Variants in NCOR2 observed in about 807,000 individuals in gnomAD.
NCOR2 encodes the protein CTG repeat protein 26.
A neutral mutation model predicts 262.9 loss-of-function variants in NCOR2; 81 were observed. The ratio of observed to expected loss-of-function variants is 0.31; its 90% CI spans 0.26 to 0.37. The LOEUF (loss-of-function observed/expected upper bound fraction) is 0.37, where lower values mean the gene tolerates loss of function less well. Ranked by LOEUF, NCOR2 falls within the 10% of genes least tolerant of loss-of-function variation. NCOR2 has a pLI of 1.00. For missense variants in NCOR2, 3,385 were observed against 3,621.4 expected, an observed-to-expected ratio of 0.93 and a Z score of 1.68; for synonymous variants, 1,659 against 1,559.3, an observed-to-expected ratio of 1.06 and a Z score of -1.51.
In NCOR2 at chr12:124,525,959, G is replaced by A. The variant is rs138873062; in HGVS notation, c.-118+9606C>T. ...ATGTATGGGGTGCACGTTAGAAATT[G>A]TAGTTAATGTTAATAATAATAATAC... On this transcript the variant is annotated intron_variant, in intron 1 of 46. Coordinates refer to the NCOR2 transcript ENST00000404621. Among the ~76,000 whole-genome samples the A allele has an allele frequency of 3.0e-4, 46 of 152,326 alleles. 1 individual carries two copies. The highest frequency in any genetic ancestry group is 1.1e-3 in the African/African-American group (44 of 41,572).
chr12:124,458,600 T>C (rs1443339956), intron 5 of NCOR2, among the ~76,000 whole-genome samples: 1 of 152,224 alleles, frequency 6.6e-6, no homozygotes, highest in East Asian at 1.9e-4. Flanking sequence ...GCGTCGGGCA[T>C]ACGGTGTGTT....
chr12:124,387,591 G>A (rs1045805391), intron 16 of NCOR2, among the ~76,000 whole-genome samples: 1 of 152,122 alleles, frequency 6.6e-6, no homozygotes, highest in East Asian at 1.9e-4. Flanking sequence ...CCACCTGTTC[G>A]CCTGCCGTGG....
rs986689550 is a variant in NCOR2, at chr12:124,531,531, A to AGG, written c.-118+4032_-118+4033dup. 3.1e-4 allele frequency among the ~76,000 whole-genome samples: 47 copies of AGG among 151,980 alleles called. No homozygotes were observed. The highest frequency in any genetic ancestry group is 1.1e-3 in the African/African-American group (44 of 41,420). On this transcript the variant is annotated intron_variant, in intron 1 of 46. Coordinates refer to the NCOR2 transcript ENST00000404621. The surrounding 1 kb of genome is among the most constrained non-coding windows in gnomAD (Gnocchi z 4.5). Reference sequence around the variant, plus strand: ...GGGTAGGGAGCAGGAAGGAAGGGGGAGGGGAGGAAGGGATTGCAGGGAGCC... The same window carrying AGG: ...GGGTAGGGAGCAGGAAGGAAGGGGGAGGGGGGAGGAAGGGATTGCAGGGAGCC...
At position 124,454,440 on chromosome 12, in the gene NCOR2, C is replaced by T. The variant is rs1343182648; in HGVS notation, c.762+2666G>A. On this transcript the variant is annotated intron_variant, in intron 6 of 46. Transcript: ENST00000405201. The surrounding 1 kb of genome is among the most constrained non-coding windows in gnomAD (Gnocchi z 5.6). Reference sequence around the variant, plus strand: ...CCAGAGAAGACTCACTGTGGGGTCCCTGGTTCCAAAGCTTCTGACACCAGC... The same window carrying T: ...CCAGAGAAGACTCACTGTGGGGTCCTTGGTTCCAAAGCTTCTGACACCAGC... Among the ~76,000 whole-genome samples the T allele has an allele frequency of 6.6e-6, 1 of 152,140 alleles. No individual in the cohort carries two copies. The highest frequency in any genetic ancestry group is 1.5e-5 in the Non-Finnish European group (1 of 68,028).
At chr12:124,340,925 C>T (rs562081195) in intron 34 of NCOR2, among the ~76,000 whole-genome samples, 174 bp from the exon 37 acceptor site, 1 of 152,182 alleles carries the variant, frequency 6.6e-6, no homozygotes, top group Non-Finnish European at 1.5e-5. Flanking sequence ...TTTCTGAATG[C>T]TCAGGTTCTC....
chr12:124,536,123 G>A (rs1479690456), upstream of NCOR2, among the ~76,000 whole-genome samples: 3 of 152,074 alleles, frequency 2.0e-5, no homozygotes, highest in East Asian at 1.9e-4. Flanking sequence ...ATATAGTCTC[G>A]CTCTGTCACT....
chr12:124,476,721 T>C (rs1234038601), intron 3 of NCOR2, among the ~76,000 whole-genome samples: 1 of 152,146 alleles, frequency 6.6e-6, no homozygotes, highest in Non-Finnish European at 1.5e-5. Context: ...TAAGTTCGGG[T>C]TTAGCTTTTA....
chr12:124,548,489 A>C lies in NCOR2; in HGVS notation c.-164-12878T>G. ...CCAGACGGCGACAGAGTGGGGGTCC[A>C]TCATGGTGCCTGGTCTGCCATTCTT... is the stretch of plus-strand genomic sequence containing the variant. On this transcript the variant is annotated intron_variant, in intron 1 of 32. Transcript: ENST00000458234. The surrounding 1 kb of genome is among the most constrained non-coding windows in gnomAD (Gnocchi z 5.1). Among the ~76,000 whole-genome samples, 1 of 151,952 alleles carries C rather than the reference A, an allele frequency of 6.6e-6. No homozygotes were observed. The highest frequency in any genetic ancestry group is 2.1e-4 in the South Asian group (1 of 4,782).
intron 41 of NCOR2, 122 bp downstream of exon 43, chr12:124,334,302 C>A (rs2035678133): frequency 4.6e-6 from 3 of 649,068 alleles, no homozygotes; most frequent in Non-Finnish European, 7.7e-6. Flanking sequence ...CCATTTCTTG[C>A]CTGTGCAATG....
intron 1 of NCOR2, among the ~76,000 whole-genome samples, chr12:124,532,987 CT>C (rs2050914702): frequency 1.4e-5 from 1 of 72,552 alleles, no homozygotes; most frequent in African/African-American, 3.9e-5. Flanking sequence ...TCCCACTCCT[CT>C]TTCCCCCACC....
chr12:124,490,088 A>G (rs192685487), intron 1 of NCOR2, among the ~76,000 whole-genome samples: 1 of 152,324 alleles, frequency 6.6e-6, no homozygotes, highest in Admixed American at 6.5e-5. Context: ...GGCTACAGTC[A>G]AGAGAGCTCC....
At chr12:124,350,362 C>T (rs1270666963) in intron 28 of NCOR2, among the ~76,000 whole-genome samples, 4 of 152,188 alleles carry the variant, frequency 2.6e-5, no homozygotes, top group Non-Finnish European at 4.4e-5. Context: ...AAAAGGTTGG[C>T]CATGAGTTTG....
chr12:124,406,980 C>T (rs1285537523), intron 13 of NCOR2, among the ~76,000 whole-genome samples: 3 of 152,234 alleles, frequency 2.0e-5, no homozygotes, highest in Non-Finnish European at 2.9e-5. Flanking sequence ...CTGGTATCAT[C>T]CCAGTTTTAT....
At chr12:124,558,156 CAG>C (rs925120130) in intron 1 of NCOR2, among the ~76,000 whole-genome samples, 17 of 152,158 alleles carry the variant, frequency 1.1e-4, no homozygotes, top group Non-Finnish European at 2.5e-4. Context: ...TGAGGACAAA[CAG>C]AGTCCTTCGA....
intron 1 of NCOR2, among the ~76,000 whole-genome samples, chr12:124,502,574 C>A (rs879763526): frequency 6.6e-6 from 1 of 152,052 alleles, no homozygotes; most frequent in East Asian, 1.9e-4. Context: ...GAGGCAGGAC[C>A]GAGCCTGGTG....
At chr12:124,411,275 G>C (rs2141246) in intron 13 of NCOR2, among the ~76,000 whole-genome samples, 114,469 of 146,714 alleles carry the variant, frequency 0.78, 45,551 homozygotes, top group Non-Finnish European at 0.88. Context: ...TACACACACA[G>C]AGAGAGAGAG....
chr12:124,349,792 C>G (rs2037279112), intron 28 of NCOR2, among the ~76,000 whole-genome samples: 2 of 152,210 alleles, frequency 1.3e-5, no homozygotes, highest in Admixed American at 1.3e-4. Context: ...AACCCCACCA[C>G]CAGCCCTTCC....
chr12:124,334,525 G>A, exon 41 of NCOR2: 2 of 1,437,700 alleles, frequency 1.4e-6, no homozygotes, highest in Non-Finnish European at 9.1e-7. Flanking sequence ...CCAGGACGGG[G>A]CAGCTGGCCC....
At chr12:124,402,200 G>T (rs78075914) in intron 14 of NCOR2, among the ~76,000 whole-genome samples, 3 of 152,150 alleles carry the variant, frequency 2.0e-5, no homozygotes, top group Admixed American at 1.3e-4. Context: ...GCGGAGGAGA[G>T]GGGGGAGCCA....
Sources: gnomAD v4.1 joint callset for allele counts (sites outside exome capture counted in the v4.1 genomes callset) on GRCh38, gnomAD v4.1.1 for gene constraint, Gnocchi (gnomAD v3.1) non-coding constraint, MANE v1.5 for transcripts, NCBI Gene and HGNC (gene_info 2026-07-23, HGNC 2026-07-21) for gene names.